KALRN: variants seen among roughly 807,000 people sequenced by gnomAD.
KALRN encodes the protein kalirin RhoGEF kinase, also known as kalirin.
Under a neutral mutation model 353.7 loss-of-function variants are expected in KALRN, and 70 were observed. That is an observed-to-expected ratio of 0.20 (90% confidence interval 0.16 to 0.24). KALRN has a LOEUF of 0.24. Among genes scored for constraint, KALRN ranks in the 10% least tolerant of loss-of-function variants. KALRN has a pLI of 1.00. For missense variants in KALRN, 2,791 were observed against 3,756.7 expected, an observed-to-expected ratio of 0.74 and a Z score of 6.72; for synonymous variants, 1,391 against 1,434.8, an observed-to-expected ratio of 0.97 and a Z score of 0.69.
Position 124,264,523 on chromosome 3 carries a change from A to T in KALRN, c.289A>T (p.Thr97Ser). 3 of 1,613,996 alleles carry T rather than the reference A, an allele frequency of 1.9e-6. No homozygotes were observed. The highest frequency in any genetic ancestry group is 2.5e-6 in the Non-Finnish European group (3 of 1,179,980). Residue 97 changes from threonine (T) to serine (S), a missense_variant, in exon 4 of 60, where the codon ACT (threonine) becomes TCT (serine). Thr to Ser is a moderately conservative substitution (Grantham distance 58). This residue lies in a region of KALRN where 110 missense variants were observed against 204.1 expected (regional missense o/e 0.54). Coordinates refer to ENST00000682506, the MANE Select transcript of KALRN (RefSeq NM_001388419.1). Reference sequence around the variant, plus strand: ...TGAGGACGTGTGCAAACGTGGCTTCACTGTCATCATCGACATGCGGGGCTC... The same window carrying T: ...TGAGGACGTGTGCAAACGTGGCTTCTCTGTCATCATCGACATGCGGGGCTC... Reference protein sequence around the residue: ...PSEDVCKRGFTVIIDMRGSKW... With the variant: ...PSEDVCKRGFSVIIDMRGSKW...
rs148744421 is a variant in KALRN, at chr3:124,435,401, A to G, written c.3048+876A>G. On this transcript the variant is annotated intron_variant, in intron 17 of 59. Coordinates refer to ENST00000682506, the MANE Select transcript of KALRN (RefSeq NM_001388419.1). Reference sequence around the variant, plus strand: ...TAGGGCCATAACGATGCAGTGTGTTACCCTTTCATCTGTACAGCAATATGC... The same window carrying G: ...TAGGGCCATAACGATGCAGTGTGTTGCCCTTTCATCTGTACAGCAATATGC... Among the ~76,000 whole-genome samples, 5 of 152,298 alleles carry G rather than the reference A, an allele frequency of 3.3e-5. No homozygotes were observed. The East Asian group carries it at 9.6e-4, about 29-fold the overall frequency.
chr3:124,164,802 A>G (rs1001412300), intron 1 of KALRN: 2 of 152,242 alleles, frequency 1.3e-5, no homozygotes, highest in Non-Finnish European at 2.9e-5. Flanking sequence ...AAAATGTCCA[A>G]GTCTAGACAT....
intron 1 of KALRN, among the ~76,000 whole-genome samples, chr3:124,223,576 A>G (rs2078151954): frequency 6.6e-6 from 1 of 152,238 alleles, no homozygotes; most frequent in Non-Finnish European, 1.5e-5. Flanking sequence ...AGAGCAATCC[A>G]TGGATACTCT....
At chr3:124,438,538 C>T (rs533165832) in intron 17 of KALRN, among the ~76,000 whole-genome samples, 79 of 152,184 alleles carry the variant, frequency 5.2e-4, no homozygotes, top group African/African-American at 1.8e-3. Context: ...ACCTCATTTC[C>T]TGTTCTACCT....
At chr3:124,645,078 T>G (rs1347070413) in intron 37 of KALRN, among the ~76,000 whole-genome samples, 2 of 152,324 alleles carry the variant, frequency 1.3e-5, no homozygotes, top group Admixed American at 6.5e-5. Context: ...TAGTAACCAG[T>G]GGTGATGAGC....
In KALRN at chr3:124,720,330, C is replaced by A. The variant is rs76356985; in HGVS notation, c.*860C>A. On this transcript the variant is annotated 3_prime_UTR_variant, in exon 60 of 60. Transcript: ENST00000682506. ...ATAAATTCAAATACAGTATGAGCTG[C>A]GGGGATATTTTTGTGTCTACACCAG... 5.9e-5 allele frequency: 9 copies of A among 152,464 alleles called. No homozygotes were observed. The highest frequency in any genetic ancestry group is 1.3e-4 in the Admixed American group (2 of 15,268). The allele number at this position is 152,464 out of a possible 1,614,324, so 9.4% of individuals were successfully genotyped here.
intron 14 of KALRN, among the ~76,000 whole-genome samples, chr3:124,416,678 G>A (rs976055066): frequency 6.6e-6 from 1 of 152,260 alleles, no homozygotes; most frequent in African/African-American, 2.4e-5. Context: ...CAGCAGAGCT[G>A]GAGGGTGGGG....
intron 1 of KALRN, among the ~76,000 whole-genome samples, chr3:124,114,611 C>T (rs2063297317): frequency 6.6e-6 from 1 of 152,200 alleles, no homozygotes; most frequent in Non-Finnish European, 1.5e-5. Context: ...TCACAGAGGG[C>T]ACCCCAGGCA....
At chr3:124,441,859 TG>T in intron 18 of KALRN, 85 bp from the exon 19 acceptor site, 1 of 754,348 alleles carries the variant, frequency 1.3e-6, no homozygotes, top group Non-Finnish European at 2.1e-6. Flanking sequence ...AAAGAAAATA[TG>T]GAAGGAAGGA....
chr3:124,588,468 A>G (rs2075429837), intron 34 of KALRN, among the ~76,000 whole-genome samples: 1 of 152,224 alleles, frequency 6.6e-6, no homozygotes, highest in African/African-American at 2.4e-5. Flanking sequence ...TCTGTCGCCC[A>G]GGCTGGAGTG....
rs117249348 is a variant in KALRN at position 124,074,044 on chromosome 3, G to A, written c.73+40231G>A. On this transcript the variant is annotated intron_variant, in intron 1 of 59. Coordinates refer to ENST00000682506, the MANE Select transcript of KALRN (RefSeq NM_001388419.1). ...GATAGAGCAAAGAAAGTGTTGCAAT[G>A]CCTCTTACCAGGTTGGAGGTAGTAG... Among the ~76,000 whole-genome samples the A allele has an allele frequency of 4.8e-4, 73 of 152,086 alleles. 1 individual carries two copies. The East Asian group carries it at 0.012, about 26-fold the overall frequency.
intron 1 of KALRN, among the ~76,000 whole-genome samples, chr3:124,213,370 TC>T (rs1293614441): frequency 3.9e-5 from 6 of 152,138 alleles, no homozygotes; most frequent in Admixed American, 3.9e-4. Flanking sequence ...ATATGCCAGA[TC>T]TGTATTAGGG....
intron 32 of KALRN, among the ~76,000 whole-genome samples, chr3:124,495,965 G>GTGTATATATATATATATATA (rs1239001137): frequency 9.6e-5 from 4 of 41,478 alleles, no homozygotes; most frequent in Admixed American, 3.1e-4. Context: ...GTGTATGTAT[G>GTGTATATATATATATATATA]TATATATATA....
At chr3:124,577,744 G>C (rs969913363) in intron 34 of KALRN, among the ~76,000 whole-genome samples, 4 of 152,062 alleles carry the variant, frequency 2.6e-5, no homozygotes, top group Admixed American at 2.0e-4. Context: ...GGTGATGCAT[G>C]CCTGTAGTCC....
At chr3:124,274,719 T>A (rs949535574) in intron 5 of KALRN, among the ~76,000 whole-genome samples, 1 of 152,202 alleles carries the variant, frequency 6.6e-6, no homozygotes, top group Non-Finnish European at 1.5e-5. Flanking sequence ...GGTGCCTACC[T>A]CCCCCATGAC....
rs1445495140 is a variant in KALRN at position 124,413,541 on chromosome 3, A to G, written c.2418A>G (p.Leu806=). The G allele has an allele frequency of 1.9e-6, 3 of 1,614,152 alleles. No individual in the cohort carries two copies. The highest frequency in any genetic ancestry group is 2.5e-6 in the Non-Finnish European group (3 of 1,180,014). Residue 806 remains leucine (L), a synonymous_variant, in exon 14 of 60, where the codon CTA becomes CTG. Coordinates refer to ENST00000682506, the MANE Select transcript of KALRN (RefSeq NM_001388419.1). The part of the protein sequence containing the change: ...RQMNDFNTED[L]TLAEQRLQRH... ...TGAATGACTTCAACACAGAGGACCT[A>G]ACCCTGGCAGAACAGCGGCTGCAGC...
At chr3:124,120,200 T>TC (rs2063834318) in intron 1 of KALRN, among the ~76,000 whole-genome samples, 1 of 152,092 alleles carries the variant, frequency 6.6e-6, no homozygotes, top group Non-Finnish European at 1.5e-5. Context: ...CTGTAGCCGT[T>TC]CCCCCGACAG....
At chr3:124,658,624 G>A in intron 42 of KALRN, 107 bp downstream of exon 42, 1 of 822,518 alleles carries the variant, frequency 1.2e-6, no homozygotes, top group Non-Finnish European at 2.1e-6. Context: ...CCCCCACACA[G>A]CACCGTTGAC....
chr3:124,332,215 G>T (rs1371542940), intron 8 of KALRN, among the ~76,000 whole-genome samples: 1 of 152,052 alleles, frequency 6.6e-6, no homozygotes, highest in African/African-American at 2.4e-5. Flanking sequence ...TAACCACCCT[G>T]CCCTGAAAGC....
Sources: gnomAD v4.1 joint callset for allele counts (sites outside exome capture counted in the v4.1 genomes callset) on GRCh38, gnomAD v4.1.1 for gene constraint, gnomAD v4.1.1 regional missense constraint, MANE v1.5 for transcripts, NCBI Gene and HGNC (gene_info 2026-07-23, HGNC 2026-07-21) for gene names.